Variants in ZNF609 observed in about 807,000 individuals in gnomAD.
ZNF609 encodes zinc finger protein 609.
In ZNF609, 11 loss-of-function variants were observed where a neutral mutation model predicts 109.5. The ratio of observed to expected loss-of-function variants is 0.10; its 90% CI spans 0.06 to 0.17. The LOEUF is 0.17. ZNF609 is among the 10% of genes least tolerant of loss of function. The pLI, the probability that ZNF609 is intolerant of heterozygous loss-of-function variation, is 1.00. For missense variants in ZNF609, 1,559 were observed against 1,772.4 expected, an observed-to-expected ratio of 0.88 and a Z score of 2.16; for synonymous variants, 646 against 662.0, an observed-to-expected ratio of 0.98 and a Z score of 0.37.
At chr15:64,567,204 A>T (rs1378497201) in intron 2 of ZNF609, among the ~76,000 whole-genome samples, 3 of 152,126 alleles carry the variant, frequency 2.0e-5, no homozygotes, top group Admixed American at 1.3e-4. Context: ...CTTGCATTCC[A>T]GCTGGGCGCC....
At chr15:64,499,157 C>A in intron 1 of ZNF609, 136 bp from the exon 2 acceptor site, 1 of 390,780 alleles carries the variant, frequency 2.6e-6, no homozygotes, top group South Asian at 4.6e-5. Context: ...GTTAGAAATA[C>A]AATTGAACCT....
chr15:64,517,541 A>T (rs1893831139), intron 2 of ZNF609, among the ~76,000 whole-genome samples: 1 of 152,168 alleles, frequency 6.6e-6, no homozygotes. Context: ...TTATTAAATA[A>T]CTACCATGTG....
rs1231229106 is a variant in ZNF609 at position 64,593,213 on chromosome 15, A to G, written c.748-29614A>G. ...GCTGCATTACTGTGTGAGTTGTGCA[A>G]TTCACAGCAAAGTAGTCAGGAATCG... On this transcript the variant is annotated intron_variant, in intron 2 of 9. Coordinates refer to ENST00000326648, the MANE Select transcript of ZNF609 (RefSeq NM_015042.2). 6.5e-6 allele frequency: 10 copies of G among 1,527,960 alleles called. 1 individual carries two copies. The highest frequency in any genetic ancestry group is 3.3e-5 in the South Asian group (3 of 89,626). The allele number at this position is 1,527,960 out of a possible 1,614,324, so 94.7% of individuals were successfully genotyped here. A position where few individuals can be genotyped will look rare whatever the true frequency, so the allele number is the denominator to read the frequency against.
intron 2 of ZNF609, among the ~76,000 whole-genome samples, chr15:64,546,232 C>T (rs1403700208): frequency 6.6e-6 from 1 of 152,088 alleles, no homozygotes; most frequent in Non-Finnish European, 1.5e-5. Context: ...GTACATCTCT[C>T]ATTGTGATTT....
At chr15:64,658,088 T>C (rs1008250570) in intron 3 of ZNF609, among the ~76,000 whole-genome samples, 3 of 152,258 alleles carry the variant, frequency 2.0e-5, no homozygotes, top group African/African-American at 7.2e-5. Flanking sequence ...GCAGCTTAGT[T>C]AACTTCTCTA....
At chr15:64,461,546 C>T (rs1892941379) in intron 1 of ZNF609, among the ~76,000 whole-genome samples, 2 of 152,106 alleles carry the variant, frequency 1.3e-5, no homozygotes, top group South Asian at 4.1e-4. Flanking sequence ...CTCCTTCCTC[C>T]CTCTGGGGTT....
At chr15:64,639,540 CTT>C (rs1353510970) in intron 3 of ZNF609, among the ~76,000 whole-genome samples, 2 of 152,174 alleles carry the variant, frequency 1.3e-5, no homozygotes, top group African/African-American at 4.8e-5. Flanking sequence ...TGTCTTCCCT[CTT>C]TGCATATCTG....
chr15:64,681,273 T>C lies in ZNF609; in HGVS notation c.4163-36T>C, dbSNP rs374946467. 9.4e-6 allele frequency: 15 copies of C among 1,591,602 alleles called. No homozygotes were observed. The African/African-American group carries it at 2.0e-4, about 21-fold the overall frequency. On this transcript the variant is annotated intron_variant, in intron 8 of 9. Transcript: ENST00000326648. ...GAAAAAGATTAATGGAAGGTTTCTG[T>C]GAGTGCTACACTAACATGTTCTCCT...
chr15:64,565,673 G>C (rs1894763765), intron 2 of ZNF609, among the ~76,000 whole-genome samples: 1 of 152,020 alleles, frequency 6.6e-6, no homozygotes, highest in Admixed American at 6.5e-5. Flanking sequence ...TTAAGATAAG[G>C]GAGTTAGGAA....
At chr15:64,485,121 C>T (rs1449406801) in intron 1 of ZNF609, among the ~76,000 whole-genome samples, 1 of 151,980 alleles carries the variant, frequency 6.6e-6, no homozygotes, top group Non-Finnish European at 1.5e-5. Flanking sequence ...TGTGTAAAAC[C>T]AAGGTTTGTT....
At chr15:64,658,186 T>G (rs779145413) in intron 3 of ZNF609, among the ~76,000 whole-genome samples, 4 of 152,124 alleles carry the variant, frequency 2.6e-5, no homozygotes, top group Non-Finnish European at 4.4e-5. Flanking sequence ...CCCTTTTCAT[T>G]TACCTTAAAA....
chr15:64,677,639 A>G (rs367746191), intron 5 of ZNF609, among the ~76,000 whole-genome samples: 54 of 152,324 alleles, frequency 3.5e-4, no homozygotes, highest in African/African-American at 1.3e-3. Context: ...TTGGAATCTC[A>G]TATCTTGCTC....
At chr15:64,668,547 C>G (rs2141010011) in intron 3 of ZNF609, among the ~76,000 whole-genome samples, 1 of 152,296 alleles carries the variant, frequency 6.6e-6, no homozygotes, top group South Asian at 2.1e-4. Flanking sequence ...AGATGGATTG[C>G]TTGATCTCAG....
At position 64,612,444 on chromosome 15, in the gene ZNF609, C is replaced by T. The variant is rs138179118; in HGVS notation, c.748-10383C>T. ...GATTACAGGCGTGAGCCACTGTGCC[C>T]GGCCTATATATAGCTTCTTAGAACT... On this transcript the variant is annotated intron_variant, in intron 2 of 9. Coordinates refer to ENST00000326648, the MANE Select transcript of ZNF609 (RefSeq NM_015042.2). Among the ~76,000 whole-genome samples, 997 of 152,050 alleles carry T rather than the reference C, an allele frequency of 6.6e-3. 16 individuals are homozygous for T. Among genetic ancestry groups the T allele is most frequent in the African/African-American group, 0.023 (953 of 41,474 alleles).
At chr15:64,636,386 A>G (rs906716468) in intron 3 of ZNF609, among the ~76,000 whole-genome samples, 18 of 152,014 alleles carry the variant, frequency 1.2e-4, no homozygotes, top group Non-Finnish European at 2.6e-4. Flanking sequence ...CCGAAGTTGT[A>G]CTCTGTTTTC....
intron 1 of ZNF609, among the ~76,000 whole-genome samples, chr15:64,477,136 CTTTTTTTTTTTTTT>C (rs911785223): frequency 1.9e-5 from 2 of 105,784 alleles, no homozygotes; most frequent in Non-Finnish European, 3.9e-5. Context: ...TCTTCTCTTT[CTTTTTTTTTTTTTT>C]TTTTTTTTGA....
At chr15:64,602,017 C>A (rs1357527272) in intron 2 of ZNF609, among the ~76,000 whole-genome samples, 1 of 152,124 alleles carries the variant, frequency 6.6e-6, no homozygotes, top group African/African-American at 2.4e-5. Context: ...AAAAAGCTAT[C>A]ATTTACTTCA....
intron 1 of ZNF609, among the ~76,000 whole-genome samples, chr15:64,486,005 A>G (rs1049831308): frequency 2.0e-5 from 3 of 152,030 alleles, no homozygotes; most frequent in Non-Finnish European, 4.4e-5. Context: ...GAGTCATACT[A>G]TTTTCACCAC....
intron 1 of ZNF609, 127 bp from the exon 2 acceptor site, chr15:64,499,166 C>A: frequency 2.4e-6 from 1 of 412,132 alleles, no homozygotes; most frequent in Non-Finnish European, 4.3e-6. Context: ...ACAATTGAAC[C>A]TGTTTGTCAT....
Sources: gnomAD v4.1 joint callset for allele counts (sites outside exome capture counted in the v4.1 genomes callset) on GRCh38, gnomAD v4.1.1 for gene constraint, MANE v1.5 for transcripts, NCBI Gene and HGNC (gene_info 2026-07-23, HGNC 2026-07-21) for gene names.